AFF3: variants seen among roughly 807,000 people sequenced by gnomAD.
AFF3 encodes ALF transcription elongation factor 3, also known as AF4/FMR2 family member 3.
Under a neutral mutation model 129.7 loss-of-function variants are expected in AFF3, and 32 were observed. The observed-to-expected ratio is 0.25, with a 90% confidence interval of 0.19 to 0.33. The LOEUF (loss-of-function observed/expected upper bound fraction) is 0.33. Ranked by LOEUF, AFF3 falls within the 10% of genes least tolerant of loss-of-function variation. AFF3 has a pLI of 1.00. For synonymous variants in AFF3, 644 were observed against 635.4 expected (o/e 1.01, Z -0.20); for missense variants, 1,373 against 1,592.0 (o/e 0.86, Z 2.34).
In AFF3 at chr2:100,007,134, G is replaced by A; in HGVS notation, c.487+14C>T. 2 of 1,613,358 alleles carry A rather than the reference G, an allele frequency of 1.2e-6. No individual in the cohort carries two copies. Among genetic ancestry groups the A allele is most frequent in the East Asian group, 2.2e-5 (1 of 44,866 alleles). ...CAGATTTGTGCAAATCAAGCAACCT[G>A]TGCCTGTGCTTACTTGCTCTCTGTT... is the stretch of plus-strand genomic sequence containing the variant. On this transcript the variant is annotated intron_variant, in intron 6 of 24. Coordinates refer to ENST00000672756, the MANE Select transcript of AFF3 (RefSeq NM_001386135.1).
At chr2:99,750,447 C>T (rs1681550062) in intron 9 of AFF3, among the ~76,000 whole-genome samples, 1 of 132,240 alleles carries the variant, frequency 7.6e-6, no homozygotes, top group African/African-American at 2.9e-5. Flanking sequence ...CAGCGTCGTG[C>T]TCTGTCACCC....
At chr2:99,779,287 C>T (rs1316134370) in intron 8 of AFF3, among the ~76,000 whole-genome samples, 1 of 152,016 alleles carries the variant, frequency 6.6e-6, no homozygotes, top group Non-Finnish European at 1.5e-5. Flanking sequence ...TTGAGATGGC[C>T]ATGTGGCTGT....
At chr2:99,826,489 A>C (rs1287666992) in intron 8 of AFF3, among the ~76,000 whole-genome samples, 1 of 152,226 alleles carries the variant, frequency 6.6e-6, no homozygotes, top group Non-Finnish European at 1.5e-5. Flanking sequence ...GACTTTGGGA[A>C]TCACAAAGGC....
At chr2:99,597,195 C>A (rs967989643) in intron 14 of AFF3, among the ~76,000 whole-genome samples, 1 of 152,182 alleles carries the variant, frequency 6.6e-6, no homozygotes. Flanking sequence ...ATTGTCTCCA[C>A]GGCTGCATCA....
intron 4 of AFF3, among the ~76,000 whole-genome samples, chr2:100,080,868 T>A (rs1037496604): frequency 6.6e-6 from 1 of 152,058 alleles, no homozygotes; most frequent in Admixed American, 6.5e-5. Context: ...CAGACTAAGT[T>A]GTACCCAGTA....
intron 8 of AFF3, among the ~76,000 whole-genome samples, chr2:99,759,136 A>G (rs898520709): frequency 1.3e-5 from 2 of 152,184 alleles, no homozygotes; most frequent in African/African-American, 4.8e-5. Flanking sequence ...TGCCAATATA[A>G]TAGGATAGTT....
intron 13 of AFF3, among the ~76,000 whole-genome samples, chr2:99,643,447 G>A (rs989186410): frequency 6.6e-6 from 1 of 151,896 alleles, no homozygotes; most frequent in African/African-American, 2.4e-5. Flanking sequence ...GCACCTGCCA[G>A]CACGCCACCA....
At chr2:100,014,533 G>A (rs909380415) in intron 4 of AFF3, among the ~76,000 whole-genome samples, 1 of 152,188 alleles carries the variant, frequency 6.6e-6, no homozygotes, top group Non-Finnish European at 1.5e-5. Context: ...GGAAAAGGAA[G>A]AAGGGCACCA....
At position 99,753,601 on chromosome 2, in the gene AFF3, T is replaced by C. The variant is rs928314752; in HGVS notation, c.922-1300A>G. On this transcript the variant is annotated intron_variant, in intron 8 of 24. Transcript: ENST00000672756. Reference sequence around the variant, plus strand: ...TCTTGGGAATGGTCGGGCACCTTCTTTTCTTGGGTCATTCACCTCCCCCAG... The same window carrying C: ...TCTTGGGAATGGTCGGGCACCTTCTCTTCTTGGGTCATTCACCTCCCCCAG... Among the ~76,000 whole-genome samples, 6 of 152,122 alleles carry C rather than the reference T, an allele frequency of 3.9e-5. No individual in the cohort carries two copies. In the South Asian group the frequency reaches 1.2e-3, roughly 32 times the overall value.
intron 8 of AFF3, among the ~76,000 whole-genome samples, chr2:99,758,353 G>A (rs75545319): frequency 0.029 from 4,444 of 152,232 alleles, 84 homozygotes; most frequent in Non-Finnish European, 0.041. Flanking sequence ...AGGCCAAGGC[G>A]GGAGGGAGGA....
At chr2:99,727,560 T>G in intron 10 of AFF3, among the ~76,000 whole-genome samples, 1 of 7,178 alleles carries the variant, frequency 1.4e-4, no homozygotes, top group Non-Finnish European at 3.2e-4. Flanking sequence ...GAGGAAAGAA[T>G]TTTTTTTTTT....
chr2:99,728,705 A>G (rs1310739614), intron 10 of AFF3, among the ~76,000 whole-genome samples: 1 of 152,238 alleles, frequency 6.6e-6, no homozygotes, highest in Non-Finnish European at 1.5e-5. Flanking sequence ...AAAACAAAAA[A>G]GCCACAAAAT....
At position 99,733,251 on chromosome 2, in the gene AFF3, C is replaced by T. The variant is rs201609984; in HGVS notation, c.1040-6123G>A. ...AAAATTAGCCGGGTGTGGTGGCGGG[C>T]GCCTTGTAGTCCCAGCTACTAGAAA... is the stretch of plus-strand genomic sequence containing the variant. On this transcript the variant is annotated intron_variant, in intron 10 of 24. Coordinates refer to ENST00000672756, the MANE Select transcript of AFF3 (RefSeq NM_001386135.1). Among the ~76,000 whole-genome samples the T allele has an allele frequency of 9.9e-5, 15 of 151,630 alleles. 1 individual carries two copies. In the Middle Eastern group the frequency reaches 9.5e-3, roughly 96 times the overall value.
At chr2:99,931,614 T>C (rs1358075072) in intron 7 of AFF3, among the ~76,000 whole-genome samples, 1 of 152,184 alleles carries the variant, frequency 6.6e-6, no homozygotes, top group African/African-American at 2.4e-5. Context: ...TTGACATATA[T>C]AAACATACTA....
At chr2:99,986,386 C>A (rs1679880478) in intron 7 of AFF3, among the ~76,000 whole-genome samples, 1 of 151,860 alleles carries the variant, frequency 6.6e-6, no homozygotes, top group Non-Finnish European at 1.5e-5. Context: ...ATAGCAGTGT[C>A]CTTATTAGCC....
intron 8 of AFF3, among the ~76,000 whole-genome samples, chr2:99,816,856 T>C (rs953349563): frequency 1.3e-5 from 2 of 152,162 alleles, no homozygotes; most frequent in African/African-American, 4.8e-5. Flanking sequence ...TTTTGTGTTC[T>C]TCTTTTCTCC....
chr2:99,575,864 A>G (rs1425153543), intron 18 of AFF3, among the ~76,000 whole-genome samples: 3 of 152,214 alleles, frequency 2.0e-5, no homozygotes, highest in African/African-American at 7.2e-5. Flanking sequence ...CAATAGTGAC[A>G]AGATTATATT....
In AFF3 at chr2:100,024,733, T is replaced by C. The variant is rs1476394141; in HGVS notation, c.54-15801A>G. On this transcript the variant is annotated intron_variant, in intron 4 of 24. Coordinates refer to ENST00000672756, the MANE Select transcript of AFF3 (RefSeq NM_001386135.1). ...TCGTACAATAGAAGACTGTAGACAT[T>C]GCACTGGATGGAGTGGATTTAAATG... 4.6e-5 allele frequency among the ~76,000 whole-genome samples: 7 copies of C among 152,116 alleles called. No individual in the cohort carries two copies. The South Asian group carries it at 1.0e-3, about 23-fold the overall frequency.
At chr2:99,705,243 AT>A (rs1325877519) in intron 11 of AFF3, among the ~76,000 whole-genome samples, 2 of 152,176 alleles carry the variant, frequency 1.3e-5, no homozygotes, top group African/African-American at 4.8e-5. Context: ...CTGGTGAGAA[AT>A]TAAAGGATGG....
Sources: gnomAD v4.1 joint callset for allele counts (sites outside exome capture counted in the v4.1 genomes callset) on GRCh38, gnomAD v4.1.1 for gene constraint, MANE v1.5 for transcripts, NCBI Gene and HGNC (gene_info 2026-07-23, HGNC 2026-07-21) for gene names.